Variants in KYNU observed in about 807,000 individuals in gnomAD.
KYNU encodes the protein kynureninase, also known as L-kynurenine hydrolase.
In KYNU, 54 loss-of-function variants were observed where a neutral mutation model predicts 59.2. The ratio of observed to expected loss-of-function variants is 0.91; its 90% CI spans 0.73 to 1.14. The LOEUF (loss-of-function observed/expected upper bound fraction) is 1.14. Among genes scored for constraint, KYNU ranks in the 50% most tolerant of loss-of-function variants. The probability of loss-of-function intolerance (pLI) is 0.00; values close to 1 mark genes in which losing one functional copy is unlikely to be tolerated. For synonymous variants in KYNU, 177 were observed against 192.0 expected (o/e 0.92, Z 0.65); for missense variants, 567 against 554.4 (o/e 1.02, Z -0.23).
intron 4 of KYNU, among the ~76,000 whole-genome samples, chr2:142,930,438 C>T (rs1442469617): frequency 2.0e-5 from 3 of 152,120 alleles, no homozygotes; most frequent in African/African-American, 7.2e-5. Flanking sequence ...TCCAGACTGC[C>T]ATGACAAACA....
intron 8 of KYNU, among the ~76,000 whole-genome samples, chr2:142,980,964 A>G (rs1182326980): frequency 1.3e-5 from 2 of 152,146 alleles, no homozygotes; most frequent in African/African-American, 4.8e-5. Flanking sequence ...GATTTTTTTA[A>G]TGTTTAAGAT....
At chr2:142,957,596 G>T in intron 6 of KYNU, 45 bp from the exon 7 acceptor site, 1 of 1,129,838 alleles carries the variant, frequency 8.9e-7, no homozygotes, top group Non-Finnish European at 1.4e-6. Context: ...ATGTACTTCT[G>T]TGCTCTCAGC....
At chr2:142,887,145 G>A (rs1681543992) in intron 2 of KYNU, among the ~76,000 whole-genome samples, 2 of 148,724 alleles carry the variant, frequency 1.3e-5, no homozygotes, top group African/African-American at 5.0e-5. Context: ...ACTCCAGCTT[G>A]GGCGACAGTC....
intron 10 of KYNU, among the ~76,000 whole-genome samples, chr2:143,026,034 T>C (rs1686543737): frequency 6.6e-6 from 1 of 152,204 alleles, no homozygotes; most frequent in African/African-American, 2.4e-5. Flanking sequence ...GTTAAAATGA[T>C]AATTAGAAAC....
At chr2:143,026,881 C>T (rs1450133241) in intron 10 of KYNU, among the ~76,000 whole-genome samples, 1 of 152,188 alleles carries the variant, frequency 6.6e-6, no homozygotes. Flanking sequence ...TACGAAGTTA[C>T]GCCACCAAGC....
chr2:142,931,491 A>G (rs1683217025), intron 4 of KYNU, among the ~76,000 whole-genome samples: 1 of 152,210 alleles, frequency 6.6e-6, no homozygotes. Flanking sequence ...AGGGAGAGGT[A>G]TAGCCTCATT....
At position 143,032,311 on chromosome 2, in the gene KYNU, A is replaced by AAC. The variant is rs1254696527; in HGVS notation, c.956-924_956-923insCA. Among the ~76,000 whole-genome samples, 8 of 151,572 alleles carry AAC rather than the reference A, an allele frequency of 5.3e-5. No homozygotes were observed. In the South Asian group the frequency reaches 1.7e-3, roughly 32 times the overall value. ...AAACAAAAAAAAAAAACAAAACAAA[A>AAC]AAAACTGCTGTTTTTAAAACCATCA... On this transcript the variant is annotated intron_variant, in intron 11 of 13. Coordinates refer to ENST00000264170, the MANE Select transcript of KYNU (RefSeq NM_003937.3).
Position 143,053,174 on chromosome 2 carries a change from C to T in KYNU, c.*11002C>T, listed in dbSNP as rs1237306692. 3 of 152,260 alleles carry T rather than the reference C, an allele frequency of 2.0e-5. No homozygotes were observed. The highest frequency in any genetic ancestry group is 3.2e-3 in the Middle Eastern group (1 of 316). 9.4% of individuals were successfully genotyped at this position (152,260 alleles called of 1,614,324 possible). A position where few individuals can be genotyped will look rare whatever the true frequency, so the allele number is the denominator to read the frequency against. ...TTGGAGTGGCTGTATTTACCCAATG[C>T]CTGTATCCCCATTGTATCTAGGAAG... On this transcript the variant is annotated 3_prime_UTR_variant, in exon 14 of 14. Transcript: ENST00000264170.
At chr2:143,016,284 C>G (rs1255429321) in intron 10 of KYNU, among the ~76,000 whole-genome samples, 1 of 152,146 alleles carries the variant, frequency 6.6e-6, no homozygotes, top group African/African-American at 2.4e-5. Context: ...TCATATTCAG[C>G]TGTATTTCAA....
intron 10 of KYNU, among the ~76,000 whole-genome samples, chr2:143,007,916 A>G (rs1299854252): frequency 8.7e-6 from 1 of 114,944 alleles, no homozygotes. Flanking sequence ...AGCGCTAAAC[A>G]TGGAAAGGAA....
At chr2:143,035,965 G>T (rs1412028847) in intron 12 of KYNU, among the ~76,000 whole-genome samples, 1 of 151,954 alleles carries the variant, frequency 6.6e-6, no homozygotes, top group Non-Finnish European at 1.5e-5. Flanking sequence ...ATAGAGACAG[G>T]ATTTTGCCAT....
intron 8 of KYNU, among the ~76,000 whole-genome samples, chr2:142,962,797 C>T (rs540343866): frequency 6.6e-6 from 1 of 152,238 alleles, no homozygotes; most frequent in South Asian, 2.1e-4. Context: ...AATTTTTACC[C>T]TCTTGCTGTA....
At chr2:143,040,282 AT>A (rs1325843029) in intron 12 of KYNU, 145 bp from the exon 13 acceptor site, 1 of 648,020 alleles carries the variant, frequency 1.5e-6, no homozygotes, top group Non-Finnish European at 2.7e-6. Flanking sequence ...GGAGGGCATG[AT>A]TTTACACAAA....
chr2:142,927,620 T>C (rs747108403), intron 3 of KYNU, 39 bp from the exon 4 acceptor site: 3 of 1,454,620 alleles, frequency 2.1e-6, no homozygotes. Flanking sequence ...CACATGCACA[T>C]AAAAGCTAAG....
intron 4 of KYNU, among the ~76,000 whole-genome samples, chr2:142,944,526 T>C (rs974547021): frequency 2.6e-5 from 4 of 152,202 alleles, no homozygotes; most frequent in African/African-American, 9.6e-5. Context: ...TAAAGATCCT[T>C]TCAAAACCTG....
At chr2:142,891,012 T>C (rs987929314) in intron 2 of KYNU, among the ~76,000 whole-genome samples, 1 of 152,180 alleles carries the variant, frequency 6.6e-6, no homozygotes, top group African/African-American at 2.4e-5. Context: ...CCTTCTCTCA[T>C]ATATCTTAGG....
intron 2 of KYNU, among the ~76,000 whole-genome samples, chr2:142,902,522 C>G (rs147798535): frequency 6.6e-6 from 1 of 152,226 alleles, no homozygotes; most frequent in East Asian, 1.9e-4. Flanking sequence ...GCCAAGGAAC[C>G]TTTTATTTGC....
At chr2:142,901,373 G>T (rs1445973405) in intron 2 of KYNU, among the ~76,000 whole-genome samples, 1 of 152,160 alleles carries the variant, frequency 6.6e-6, no homozygotes, top group Non-Finnish European at 1.5e-5. Flanking sequence ...AGCAGCTTGG[G>T]TTCCCAGAGG....
chr2:143,012,644 A>G (rs1428430010), intron 10 of KYNU, among the ~76,000 whole-genome samples: 1 of 152,220 alleles, frequency 6.6e-6, no homozygotes, highest in Admixed American at 6.5e-5. Flanking sequence ...AAGCAGTAAA[A>G]GGTCGCTGTA....
Sources: allele counts gnomAD v4.1 joint callset (sites outside exome capture counted in the v4.1 genomes callset), GRCh38; gene constraint gnomAD v4.1.1; transcripts MANE v1.5; gene names NCBI Gene and HGNC (gene_info 2026-07-23, HGNC 2026-07-21).